SMAD2: variants seen among roughly 807,000 people sequenced by gnomAD.
SMAD2 encodes SMAD family member 2, also known as MAD homolog 2.
A neutral mutation model predicts 64.4 loss-of-function variants in SMAD2; 8 were observed. The ratio of observed to expected loss-of-function variants is 0.12; its 90% CI spans 0.07 to 0.22. SMAD2 has a LOEUF of 0.22. SMAD2 is among the 10% of genes least tolerant of loss of function. The probability of loss-of-function intolerance (pLI) is 1.00; values close to 1 mark genes in which losing one functional copy is unlikely to be tolerated. For missense variants in SMAD2, 289 were observed against 561.2 expected (o/e 0.51, Z 4.90); for synonymous variants, 203 against 195.8 (o/e 1.04, Z -0.31).
chr18:47,844,127 C>CA (rs1161025070), intron 10 of SMAD2, among the ~76,000 whole-genome samples: 1 of 152,042 alleles, frequency 6.6e-6, no homozygotes, highest in Non-Finnish European at 1.5e-5. Context: ...AGCAAAATCA[C>CA]AAAATGAATT....
At chr18:47,899,280 A>T (rs919346302) in intron 1 of SMAD2, among the ~76,000 whole-genome samples, 2 of 152,134 alleles carry the variant, frequency 1.3e-5, no homozygotes, top group Non-Finnish European at 2.9e-5. Context: ...TTCCAGAAGG[A>T]GGTGCCCGAT....
intron 2 of SMAD2, among the ~76,000 whole-genome samples, chr18:47,882,747 GA>G (rs1427629468): frequency 6.6e-6 from 1 of 152,174 alleles, no homozygotes; most frequent in African/African-American, 2.4e-5. Flanking sequence ...ATGTGGGCCT[GA>G]AGTTTCCTTT....
chr18:47,917,093 TC>T (rs1255334186), intron 1 of SMAD2, among the ~76,000 whole-genome samples: 2 of 152,248 alleles, frequency 1.3e-5, no homozygotes, highest in Non-Finnish European at 2.9e-5. Flanking sequence ...TGATCTCGGC[TC>T]ACTGCAACCT....
At chr18:47,919,413 C>A (rs2034466069) in intron 1 of SMAD2, among the ~76,000 whole-genome samples, 1 of 150,346 alleles carries the variant, frequency 6.7e-6, no homozygotes. Context: ...GAGCCATGAT[C>A]ACCCTACTAC....
chr18:47,874,396 T>C (rs1478387581), intron 2 of SMAD2, among the ~76,000 whole-genome samples: 1 of 152,192 alleles, frequency 6.6e-6, no homozygotes, highest in East Asian at 1.9e-4. Flanking sequence ...AGTAATTGTT[T>C]CCAGAAGAAC....
At chr18:47,902,541 AAAAT>A (rs2033725920) in intron 1 of SMAD2, among the ~76,000 whole-genome samples, 1 of 152,234 alleles carries the variant, frequency 6.6e-6, no homozygotes, top group Non-Finnish European at 1.5e-5. Context: ...AGAACAGGAA[AAAAT>A]AGAGAAACGT....
Position 47,834,421 on chromosome 18 carries a change from T to C in SMAD2, c.*7406A>G, listed in dbSNP as rs1367728745. On this transcript the variant is annotated 3_prime_UTR_variant, in exon 11 of 11. Coordinates refer to ENST00000262160, the MANE Select transcript of SMAD2 (RefSeq NM_005901.6). ...ACAAAACTCTGCTAAAAGTTTTGTA[T>C]CCAGGGAAAGTCCCGCATCCAGGGA... The C allele has an allele frequency of 4.8e-6, 1 of 207,288 alleles. No homozygotes were observed. The highest frequency in any genetic ancestry group is 2.3e-5 in the African/African-American group (1 of 43,842). The allele number at this position is 207,288 out of a possible 1,614,324, so 12.8% of individuals were successfully genotyped here.
chr18:47,881,118 G>A (rs1041855443), intron 2 of SMAD2, among the ~76,000 whole-genome samples: 4 of 152,108 alleles, frequency 2.6e-5, no homozygotes, highest in Admixed American at 6.6e-5. Flanking sequence ...CTTCTTCCGA[G>A]TGTCAATCCC....
intron 2 of SMAD2, among the ~76,000 whole-genome samples, chr18:47,884,183 T>C (rs74343903): frequency 0.022 from 3,424 of 152,264 alleles, 126 homozygotes; most frequent in African/African-American, 0.078. Context: ...TCTTGGTGCA[T>C]GTAATATAGG....
intron 1 of SMAD2, chr18:47,930,157 G>C (rs918738770): frequency 6.6e-6 from 1 of 152,440 alleles, no homozygotes; most frequent in East Asian, 1.9e-4. Context: ...GTCAGCCTGG[G>C]CGGCAGCGCA....
intron 8 of SMAD2, among the ~76,000 whole-genome samples, chr18:47,848,242 GA>G (rs1298733015): frequency 6.6e-6 from 1 of 152,152 alleles, no homozygotes; most frequent in Admixed American, 6.5e-5. Context: ...CATATTTATT[GA>G]AGAACTTTCC....
intron 1 of SMAD2, among the ~76,000 whole-genome samples, chr18:47,897,146 T>G (rs962184032): frequency 5.9e-5 from 9 of 152,334 alleles, no homozygotes; most frequent in African/African-American, 2.2e-4. Flanking sequence ...GTTCTCTTAC[T>G]TTTTAGAACT....
In SMAD2 at chr18:47,822,428, C is replaced by T. The variant is rs558784831; in HGVS notation, c.*19399G>A. Reference sequence around the variant, plus strand: ...TCAGAACTTCAAGAAACTGATGAGTCCATGTAACTACTAATTAAGATCAAC... The same window carrying T: ...TCAGAACTTCAAGAAACTGATGAGTTCATGTAACTACTAATTAAGATCAAC... On this transcript the variant is annotated 3_prime_UTR_variant, in exon 11 of 11. Transcript: ENST00000262160. 4.6e-5 allele frequency: 7 copies of T among 152,276 alleles called. No individual in the cohort carries two copies. The highest frequency in any genetic ancestry group is 1.7e-4 in the African/African-American group (7 of 41,554). The allele number at this position is 152,276 out of a possible 1,614,324, so 9.4% of individuals were successfully genotyped here.
rs1291744352 is a variant in SMAD2, at chr18:47,816,476, A to G, written c.*25351T>C. The stretch of plus-strand genomic sequence containing the variant: ...ATATTTTAATGTAATATTGCTGACT[A>G]ATTTGGCACATTTAATACACGTCCA... On this transcript the variant is annotated 3_prime_UTR_variant, in exon 11 of 11. Coordinates refer to ENST00000262160, the MANE Select transcript of SMAD2 (RefSeq NM_005901.6). The G allele has an allele frequency of 6.6e-6, 1 of 152,230 alleles. No homozygotes were observed. The highest frequency in any genetic ancestry group is 1.5e-5 in the Non-Finnish European group (1 of 68,034). 9.4% of individuals were successfully genotyped at this position (152,230 alleles called of 1,614,324 possible).
intron 1 of SMAD2, among the ~76,000 whole-genome samples, chr18:47,911,203 T>C (rs900122026): frequency 1.3e-5 from 2 of 151,694 alleles, no homozygotes; most frequent in Admixed American, 1.3e-4. Flanking sequence ...ATACAAAAAT[T>C]AGCTGGGCGT....
rs1464934149 is a variant in SMAD2 at position 47,841,179 on chromosome 18, A to G, written c.*648T>C. 2 of 232,478 alleles carry G rather than the reference A, an allele frequency of 8.6e-6. No homozygotes were observed. The highest frequency in any genetic ancestry group is 1.1e-4 in the Admixed American group (2 of 17,728). 14.4% of individuals were successfully genotyped at this position (232,478 alleles called of 1,614,324 possible). On this transcript the variant is annotated 3_prime_UTR_variant, in exon 11 of 11. Coordinates refer to ENST00000262160, the MANE Select transcript of SMAD2 (RefSeq NM_005901.6). ...AAACAAAAAAAAACAAAAAACCACA[A>G]AAAGAATGACTGTTTAAGCCCCACT...
chr18:47,862,417 G>A (rs1406556444), intron 6 of SMAD2, among the ~76,000 whole-genome samples: 1 of 152,162 alleles, frequency 6.6e-6, no homozygotes, highest in African/African-American at 2.4e-5. Context: ...AGGCTCAAGG[G>A]GAGAATCTGT....
At position 47,836,817 on chromosome 18, in the gene SMAD2, A is replaced by G. The variant is rs1913457548; in HGVS notation, c.*5010T>C. The G allele has an allele frequency of 4.6e-6, 1 of 216,164 alleles. No homozygotes were observed. 13.4% of individuals were successfully genotyped at this position (216,164 alleles called of 1,614,324 possible). The stretch of plus-strand genomic sequence containing the variant: ...ATATTTCCTGGTTGTAAGGCTCAAA[A>G]CACAGGAATTCCACTCCAAGAGATA... On this transcript the variant is annotated 3_prime_UTR_variant, in exon 11 of 11. Transcript: ENST00000262160.
chr18:47,852,426 C>T (rs1031840142), intron 6 of SMAD2, among the ~76,000 whole-genome samples: 2 of 152,056 alleles, frequency 1.3e-5, no homozygotes, highest in African/African-American at 4.8e-5. Context: ...GGCTTTCAGG[C>T]TAACAGTAAT....
Sources: allele counts gnomAD v4.1 joint callset (sites outside exome capture counted in the v4.1 genomes callset), GRCh38; gene constraint gnomAD v4.1.1; transcripts MANE v1.5; gene names NCBI Gene and HGNC (gene_info 2026-07-23, HGNC 2026-07-21).